The following ELMO1 variants were observed in gnomAD, a reference collection of about 807,000 sequenced individuals.
ELMO1 encodes the protein engulfment and cell motility 1.
ELMO1 carries 26 observed loss-of-function variants against 98.9 expected under a neutral mutation model. The observed-to-expected ratio is 0.26, with a 90% CI of 0.19 to 0.36. The LOEUF (loss-of-function observed/expected upper bound fraction) is 0.36. ELMO1 is among the 10% of genes least tolerant of loss of function. The probability of loss-of-function intolerance (pLI) is 1.00; values close to 1 mark genes in which losing one functional copy is unlikely to be tolerated. For missense variants in ELMO1, 627 were observed against 935.2 expected, an observed-to-expected ratio of 0.67 and a Z score of 4.30; for synonymous variants, 346 against 346.0, an observed-to-expected ratio of 1.00 and a Z score of 0.00.
Position 37,165,731 on chromosome 7 carries a change from C to T in ELMO1, c.1087-32497G>A, listed in dbSNP as rs1041938060. Among the ~76,000 whole-genome samples the T allele has an allele frequency of 1.5e-4, 23 of 152,166 alleles. 1 individual carries two copies. The highest frequency in any genetic ancestry group is 3.4e-3 in the Middle Eastern group (1 of 294). On this transcript the variant is annotated intron_variant, in intron 13 of 21. Transcript: ENST00000310758. Reference sequence around the variant, plus strand: ...AAGCTTTTTGATGTGCTGCTGGATTCGGTTTACCAGTATTTTATTGAGGAT... The same window carrying T: ...AAGCTTTTTGATGTGCTGCTGGATTTGGTTTACCAGTATTTTATTGAGGAT...
chr7:37,282,166 A>G (rs760140401), intron 4 of ELMO1, among the ~76,000 whole-genome samples: 3 of 152,184 alleles, frequency 2.0e-5, no homozygotes, highest in Non-Finnish European at 4.4e-5. Flanking sequence ...TCCCAATTCT[A>G]TTCTCCTTCC....
Position 37,295,242 on chromosome 7 carries a change from A to G in ELMO1, c.192+19608T>C, listed in dbSNP as rs566881335. ...GAAGGAGAGATAGAAAATTTGATAG[A>G]GTAAGGTTTTAGCTATGCTTGGAAG... On this transcript the variant is annotated intron_variant, in intron 4 of 21. Coordinates refer to ENST00000310758, the MANE Select transcript of ELMO1 (RefSeq NM_014800.11). Among the ~76,000 whole-genome samples, 4 of 152,344 alleles carry G rather than the reference A, an allele frequency of 2.6e-5. No homozygotes were observed. In the South Asian group the frequency reaches 8.3e-4, roughly 32 times the overall value.
chr7:36,885,648 A>G (rs902146322), intron 18 of ELMO1, among the ~76,000 whole-genome samples: 3 of 152,212 alleles, frequency 2.0e-5, no homozygotes, highest in Non-Finnish European at 4.4e-5. Context: ...AAAGGCAATA[A>G]AGACATCAGG....
At chr7:37,357,783 G>T (rs1362812099) in intron 1 of ELMO1, among the ~76,000 whole-genome samples, 1 of 152,226 alleles carries the variant, frequency 6.6e-6, no homozygotes, top group African/African-American at 2.4e-5. Context: ...ATAAAACACA[G>T]TCAGGGTACA....
At chr7:37,093,719 G>T (rs1386102700) in intron 15 of ELMO1, among the ~76,000 whole-genome samples, 2 of 152,172 alleles carry the variant, frequency 1.3e-5, no homozygotes, top group African/African-American at 4.8e-5. Context: ...TTATCATTTG[G>T]TGTCTAGCAT....
intron 1 of ELMO1, among the ~76,000 whole-genome samples, chr7:37,361,701 G>A (rs575396267): frequency 2.6e-5 from 4 of 152,366 alleles, no homozygotes; most frequent in South Asian, 2.1e-4. Context: ...GCTCAAGCCC[G>A]TAATCCCAGC....
At chr7:37,330,497 G>A (rs946801072) in intron 2 of ELMO1, among the ~76,000 whole-genome samples, 5 of 151,758 alleles carry the variant, frequency 3.3e-5, no homozygotes, top group Non-Finnish European at 5.9e-5. Context: ...TATTTGAGGG[G>A]CATATGTTCC....
At position 36,861,641 on chromosome 7, in the gene ELMO1, C is replaced by T. The variant is rs769058010; in HGVS notation, c.1983+18G>A. 1.9e-6 allele frequency: 3 copies of T among 1,604,778 alleles called. No homozygotes were observed. The highest frequency in any genetic ancestry group is 2.6e-6 in the Non-Finnish European group (3 of 1,175,104). ...AAGATAACATTATCTCATAAATTATCACCCCCGAGACCCTTACCTCATGCT... is the reference window on the plus strand; with the variant it reads ...AAGATAACATTATCTCATAAATTATTACCCCCGAGACCCTTACCTCATGCT... On this transcript the variant is annotated intron_variant, in intron 21 of 21. Transcript: ENST00000310758.
intron 13 of ELMO1, among the ~76,000 whole-genome samples, chr7:37,181,028 C>T (rs1165855957): frequency 6.6e-6 from 1 of 151,932 alleles, no homozygotes; most frequent in Non-Finnish European, 1.5e-5. Flanking sequence ...GGTGATTGTG[C>T]AATATTATAA....
At chr7:37,039,415 G>A (rs1229828028) in intron 15 of ELMO1, among the ~76,000 whole-genome samples, 2 of 152,204 alleles carry the variant, frequency 1.3e-5, no homozygotes, top group Non-Finnish European at 2.9e-5. Context: ...CCTGCTCGTG[G>A]GCAGGGCACA....
intron 4 of ELMO1, among the ~76,000 whole-genome samples, chr7:37,276,230 C>G (rs76228242): frequency 0.01 from 1,547 of 152,172 alleles, 35 homozygotes; most frequent in African/African-American, 0.036. Flanking sequence ...CTTAAAACAG[C>G]CTGGCAAATT....
chr7:37,247,895 A>ATGTGTGTATG (rs1795096603), intron 6 of ELMO1, among the ~76,000 whole-genome samples: 1 of 146,554 alleles, frequency 6.8e-6, no homozygotes, highest in Non-Finnish European at 1.5e-5. Context: ...TTGAAATAAA[A>ATGTGTGTATG]TGTGTGTGTG....
rs1460754574 is a variant in ELMO1 at position 36,853,271 on chromosome 7, T to G, written c.*2280A>C. ...ATAGTCCTGAAAAGGTTTCTTTCTA[T>G]TAAATGCACCAAAGCTGGAGTGCCA... On this transcript the variant is annotated 3_prime_UTR_variant, in exon 22 of 22. Transcript: ENST00000310758. Among the ~76,000 whole-genome samples the G allele has an allele frequency of 6.6e-6, 1 of 152,154 alleles. No homozygotes were observed. Among genetic ancestry groups the G allele is most frequent in the Admixed American group, 6.5e-5 (1 of 15,280 alleles).
intron 1 of ELMO1, among the ~76,000 whole-genome samples, chr7:37,396,252 A>T (rs903200714): frequency 2.0e-5 from 3 of 152,120 alleles, no homozygotes; most frequent in Admixed American, 2.0e-4. Flanking sequence ...TTATATGAAG[A>T]TTAAATTGCA....
At chr7:37,423,393 A>C (rs1340211177) in intron 1 of ELMO1, among the ~76,000 whole-genome samples, 1 of 152,200 alleles carries the variant, frequency 6.6e-6, no homozygotes, top group Non-Finnish European at 1.5e-5. Flanking sequence ...CAGCCTGGCC[A>C]ACATGGTGAA....
intron 13 of ELMO1, among the ~76,000 whole-genome samples, chr7:37,201,828 C>A (rs968137957): frequency 6.6e-6 from 1 of 152,190 alleles, no homozygotes; most frequent in Non-Finnish European, 1.5e-5. Flanking sequence ...GCCAGGGATG[C>A]CTCAGAAGTT....
chr7:37,007,357 T>C (rs1441825707), intron 16 of ELMO1, among the ~76,000 whole-genome samples: 2 of 152,196 alleles, frequency 1.3e-5, no homozygotes, highest in African/African-American at 2.4e-5. Context: ...ACAGCAGCAC[T>C]AGATGGAATT....
In ELMO1 at chr7:37,021,857, T is replaced by C. The variant is rs1562902812; in HGVS notation, c.1301-8422A>G. Among the ~76,000 whole-genome samples, 4 of 152,164 alleles carry C rather than the reference T, an allele frequency of 2.6e-5. No individual in the cohort carries two copies. In the South Asian group the frequency reaches 8.3e-4, roughly 32 times the overall value. On this transcript the variant is annotated intron_variant, in intron 15 of 21. Coordinates refer to ENST00000310758, the MANE Select transcript of ELMO1 (RefSeq NM_014800.11). ...CTAAAATGCCAAATTTGGAAAACTT[T>C]TGGGACCAAATATAAAGACTTGTAA...
At chr7:37,137,131 C>A (rs1012699063) in intron 13 of ELMO1, among the ~76,000 whole-genome samples, 1 of 152,122 alleles carries the variant, frequency 6.6e-6, no homozygotes, top group South Asian at 2.1e-4. Flanking sequence ...ATTCTTATAT[C>A]AGACAAAACT....
Sources: gnomAD v4.1 joint callset for allele counts (sites outside exome capture counted in the v4.1 genomes callset) on GRCh38, gnomAD v4.1.1 for gene constraint, MANE v1.5 for transcripts, NCBI Gene and HGNC (gene_info 2026-07-23, HGNC 2026-07-21) for gene names.